Variants in TRAPPC9 observed in about 807,000 individuals in gnomAD.
TRAPPC9 encodes the protein trafficking protein particle complex subunit 9.
A neutral mutation model predicts 124.0 loss-of-function variants in TRAPPC9; 83 were observed. That is an observed-to-expected ratio of 0.67 (90% CI 0.56 to 0.80). The LOEUF is 0.80. Ranked by LOEUF, TRAPPC9 falls within the 30% of genes least tolerant of loss-of-function variation. The pLI, the probability that TRAPPC9 is intolerant of heterozygous loss-of-function variation, is 0.00. For missense variants in TRAPPC9, 1,302 were observed against 1,508.3 expected (o/e 0.86, Z 2.27); for synonymous variants, 638 against 617.5 (o/e 1.03, Z -0.49).
In TRAPPC9 at chr8:140,087,871, C is replaced by T. The variant is rs1304831199; in HGVS notation, c.2557-63792G>A. On this transcript the variant is annotated intron_variant, in intron 17 of 22. Coordinates refer to ENST00000438773, the MANE Select transcript of TRAPPC9 (RefSeq NM_001160372.4). This position sits in a 1 kb window ranked among gnomAD's most constrained non-coding sequence, Gnocchi z 4.6. The stretch of plus-strand genomic sequence containing the variant: ...TCGCCGCCAGCCCCAGAAAAACCCA[C>T]CATCACTGACAAGGTCCTGGAGAGC... Among the ~76,000 whole-genome samples the T allele has an allele frequency of 6.6e-6, 1 of 152,146 alleles. No homozygotes were observed. The highest frequency in any genetic ancestry group is 1.5e-5 in the Non-Finnish European group (1 of 68,030).
chr8:139,878,380 G>GT (rs1223801810), intron 21 of TRAPPC9, among the ~76,000 whole-genome samples: 2 of 152,172 alleles, frequency 1.3e-5, no homozygotes, highest in African/African-American at 2.4e-5. Flanking sequence ...GGGAAAGGCT[G>GT]TTTTTTTATC....
At chr8:140,358,542 G>C (rs1464378418) in intron 9 of TRAPPC9, among the ~76,000 whole-genome samples, 1 of 152,220 alleles carries the variant, frequency 6.6e-6, no homozygotes, top group Non-Finnish European at 1.5e-5. Context: ...ACCACCCTCA[G>C]AGATGCACAC....
At chr8:140,239,580 G>A (rs1017267595) in intron 16 of TRAPPC9, among the ~76,000 whole-genome samples, 55 of 152,292 alleles carry the variant, frequency 3.6e-4, no homozygotes, top group African/African-American at 1.3e-3. Flanking sequence ...TCACTGGCAC[G>A]GAGGCCGCAT....
chr8:139,775,505 T>C (rs1235989093), intron 21 of TRAPPC9, among the ~76,000 whole-genome samples: 2 of 152,210 alleles, frequency 1.3e-5, no homozygotes, highest in African/African-American at 4.8e-5. Flanking sequence ...CTGACCGCTT[T>C]TCTGGGGCGC....
chr8:139,840,708 T>C (rs1422300645), intron 21 of TRAPPC9, among the ~76,000 whole-genome samples: 1 of 152,138 alleles, frequency 6.6e-6, no homozygotes, highest in Non-Finnish European at 1.5e-5. Context: ...CAGTCCACAC[T>C]CTCACAGTCT....
chr8:140,113,684 C>T (rs1302675037), intron 17 of TRAPPC9, among the ~76,000 whole-genome samples: 1 of 152,136 alleles, frequency 6.6e-6, no homozygotes, highest in African/African-American at 2.4e-5. Flanking sequence ...TCCTACGCCC[C>T]AAGTCACAAA....
intron 11 of TRAPPC9, among the ~76,000 whole-genome samples, chr8:140,297,767 G>A (rs565313882): frequency 6.6e-6 from 1 of 152,358 alleles, no homozygotes; most frequent in East Asian, 1.9e-4. Flanking sequence ...TACCCCTGCT[G>A]ACAGATGTAC....
intron 19 of TRAPPC9, among the ~76,000 whole-genome samples, chr8:139,955,231 A>G (rs1834896347): frequency 6.6e-6 from 1 of 152,080 alleles, no homozygotes; most frequent in South Asian, 2.1e-4. Context: ...GGTAACAGTG[A>G]TGAAGGAATG....
intron 17 of TRAPPC9, among the ~76,000 whole-genome samples, chr8:140,162,664 T>G (rs905720200): frequency 6.6e-6 from 1 of 152,200 alleles, no homozygotes; most frequent in African/African-American, 2.4e-5. Context: ...GCAATGTGAA[T>G]GCGCTTCTTG....
intron 19 of TRAPPC9, among the ~76,000 whole-genome samples, chr8:139,972,983 G>A (rs1836202756): frequency 6.6e-6 from 1 of 152,118 alleles, no homozygotes; most frequent in Non-Finnish European, 1.5e-5. Context: ...CAGAAGGGAC[G>A]ACCACGTTCT....
At chr8:140,454,669 G>C (rs140473248) in intron 1 of TRAPPC9, among the ~76,000 whole-genome samples, 2,325 of 139,758 alleles carry the variant, frequency 0.017, 45 homozygotes, top group Middle Eastern at 0.065. Context: ...AACACAACCT[G>C]ACCTCACACC....
At chr8:140,067,707 T>C (rs1302461977) in intron 17 of TRAPPC9, among the ~76,000 whole-genome samples, 1 of 152,034 alleles carries the variant, frequency 6.6e-6, no homozygotes, top group Admixed American at 6.6e-5. Flanking sequence ...ATAAACACAG[T>C]AAAGGGGGTG....
chr8:140,384,082 G>A (rs2068686994), intron 7 of TRAPPC9, among the ~76,000 whole-genome samples: 1 of 151,972 alleles, frequency 6.6e-6, no homozygotes, highest in African/African-American at 2.4e-5. Flanking sequence ...AAGTGAAGGA[G>A]AAATAAAATC....
At chr8:139,869,027 G>A (rs745699783) in intron 21 of TRAPPC9, among the ~76,000 whole-genome samples, 3 of 152,042 alleles carry the variant, frequency 2.0e-5, no homozygotes, top group East Asian at 1.9e-4. Context: ...AGAAAAAGCA[G>A]ATCACAAAAG....
At chr8:140,294,058 T>G (rs2065737554) in intron 11 of TRAPPC9, among the ~76,000 whole-genome samples, 1 of 152,058 alleles carries the variant, frequency 6.6e-6, no homozygotes, top group Non-Finnish European at 1.5e-5. Context: ...CCTGACAGGC[T>G]GGCCCGCCTG....
intron 19 of TRAPPC9, among the ~76,000 whole-genome samples, chr8:139,918,500 ACCAGAGCGTGAGCAAACCGG>A: frequency 6.6e-6 from 1 of 152,232 alleles, no homozygotes; most frequent in Non-Finnish European, 1.5e-5. Flanking sequence ...CCCGCCAGTC[ACCAGAGCGTGAGCAAACCGG>A]CCAGAGCGAG....
chr8:140,118,626 C>T (rs1032823776), intron 17 of TRAPPC9, among the ~76,000 whole-genome samples: 4 of 152,224 alleles, frequency 2.6e-5, no homozygotes, highest in African/African-American at 9.6e-5. Context: ...AAGAAGATGC[C>T]TCCACCTGCG....
chr8:139,881,963 T>G (rs7846494), intron 21 of TRAPPC9, among the ~76,000 whole-genome samples: 110,264 of 152,094 alleles, frequency 0.72, 40,903 homozygotes, highest in African/African-American at 0.89. Context: ...CATGCATGGA[T>G]GCCAGGAAGG....
chr8:140,449,664 G>T (rs572985699), intron 2 of TRAPPC9, among the ~76,000 whole-genome samples: 22 of 152,316 alleles, frequency 1.4e-4, no homozygotes, highest in Admixed American at 1.3e-3. Flanking sequence ...GGTATTTCTG[G>T]CATCCTGATA....
Sources: gnomAD v4.1 joint callset for allele counts (sites outside exome capture counted in the v4.1 genomes callset) on GRCh38, gnomAD v4.1.1 for gene constraint, Gnocchi (gnomAD v3.1) non-coding constraint, MANE v1.5 for transcripts, NCBI Gene and HGNC (gene_info 2026-07-23, HGNC 2026-07-21) for gene names.